The following USP35 variants were observed in gnomAD, a reference collection of about 807,000 sequenced individuals.
The protein encoded by USP35 is ubiquitin specific peptidase 35.
USP35 carries 69 observed loss-of-function variants against 83.8 expected under a neutral mutation model. The ratio of observed to expected loss-of-function variants is 0.82; its 90% CI spans 0.68 to 1.01. USP35 has a LOEUF of 1.01. Among genes scored for constraint, USP35 ranks in the 50% least tolerant of loss-of-function variants. The pLI is 0.00. For synonymous variants in USP35, 714 were observed against 589.5 expected (o/e 1.21, Z -3.06); for missense variants, 1,503 against 1,362.5 (o/e 1.10, Z -1.62).
At chr11:78,220,949 G>A in the USP35 span, among the ~76,000 whole-genome samples, 1 of 152,170 alleles carries the variant, frequency 6.6e-6, no homozygotes, top group Admixed American at 6.5e-5. Context: ...CTAGAGTGGG[G>A]TAGTCACCCC....
the USP35 span, among the ~76,000 whole-genome samples, chr11:78,233,965 A>G: frequency 6.6e-6 from 1 of 152,124 alleles, no homozygotes. Context: ...TTTGATAAAG[A>G]CTACTTCACC....
At position 78,213,987 on chromosome 11, in the gene USP35, C is replaced by T. The variant is rs1054812293; in HGVS notation, c.*174C>T. ...TCAGATATGGAAGTAAGACCTAAGT[C>T]CCTTTCATTGGGGATCAGTCCCATT... On this transcript the variant is annotated 3_prime_UTR_variant, in exon 11 of 11. Transcript: ENST00000529308. 1.5e-6 allele frequency: 1 copy of T among 676,864 alleles called. No homozygotes were observed. The highest frequency in any genetic ancestry group is 2.2e-6 in the Non-Finnish European group (1 of 452,272). 41.9% of individuals were successfully genotyped at this position (676,864 alleles called of 1,614,324 possible).
rs1328411047 is a variant in USP35 at position 78,214,600 on chromosome 11, C to A, written c.*787C>A. The A allele has an allele frequency of 2.0e-5, 3 of 152,294 alleles. No individual in the cohort carries two copies. The East Asian group carries it at 5.8e-4, about 29-fold the overall frequency. The allele number at this position is 152,294 out of a possible 1,614,324, so 9.4% of individuals were successfully genotyped here. On this transcript the variant is annotated 3_prime_UTR_variant, in exon 11 of 11. Transcript: ENST00000529308. ...GCCTTTGTAGCTGCAACAGCAGCCA[C>A]CTGCAGGTTGGGTGAAGTGCCCTGA...
intron 9 of USP35, 29 bp from the exon 10 acceptor site, chr11:78,209,419 A>G: frequency 6.4e-7 from 1 of 1,559,944 alleles, no homozygotes; most frequent in South Asian, 1.2e-5. Flanking sequence ...CCGCATGTAC[A>G]TGTAGTGACT....
rs528502764 is a variant in USP35, at chr11:78,196,901, C to G, written c.656C>G (p.Ala219Gly). ...AILPCLKELF[A>G]VISCAEEEPP... The stretch of plus-strand genomic sequence containing the variant: ...CTGCCCTGCCTCAAAGAGCTGTTCG[C>G]AGTCATCTCCTGCGCAGGTGCGTGT... The change falls in exon 2 of 11, where the codon GCA (alanine) becomes GGA (glycine). Residue 219 changes from alanine to glycine, a missense_variant. Coordinates refer to ENST00000529308, the MANE Select transcript of USP35 (RefSeq NM_020798.4). This position sits in a 1 kb window ranked among gnomAD's most constrained non-coding sequence, Gnocchi z 4.8. 8 of 1,469,044 alleles carry G rather than the reference C, an allele frequency of 5.4e-6. No individual in the cohort carries two copies. In the South Asian group the frequency reaches 1.1e-4, roughly 20 times the overall value. 91.0% of individuals were successfully genotyped at this position (1,469,044 alleles called of 1,614,324 possible).
the USP35 span, among the ~76,000 whole-genome samples, chr11:78,221,088 G>C: frequency 6.6e-6 from 1 of 152,192 alleles, no homozygotes; most frequent in Non-Finnish European, 1.5e-5. Flanking sequence ...TCGTGCTCTA[G>C]CAGAGCACCA....
intron 1 of USP35, among the ~76,000 whole-genome samples, chr11:78,193,420 G>T (rs1468327949): frequency 2.7e-5 from 4 of 150,276 alleles, no homozygotes; most frequent in Admixed American, 2.7e-4. Context: ...GCCCAGGCTG[G>T]TCTCAACCTC....
At chr11:78,203,881 A>AT (rs1863441401) in intron 6 of USP35, among the ~76,000 whole-genome samples, 1 of 98,694 alleles carries the variant, frequency 1.0e-5, no homozygotes, top group African/African-American at 4.0e-5. Flanking sequence ...CCCAGCCCAT[A>AT]TTTTTCTTTT....
In USP35 at chr11:78,210,040, C is replaced by G; in HGVS notation, c.2185C>G (p.Gln729Glu). ...GAAGGAGACAGAAAAGGAGGCTGAG[C>G]AGGAAAAGGAAGAAGACAGCCTGGG... ...VEKETEKEAE[Q>E]EKEEDSLGAG... Residue 729 changes from glutamine (Q) to glutamate (E), a missense_variant, in exon 10 of 11, where the codon CAG becomes GAG. Transcript: ENST00000529308. 1 of 1,613,778 alleles carries G rather than the reference C, an allele frequency of 6.2e-7. No individual in the cohort carries two copies. Among genetic ancestry groups the G allele is most frequent in the Non-Finnish European group, 8.5e-7 (1 of 1,179,872 alleles).
chr11:78,204,043 A>C (rs995576734), intron 6 of USP35, among the ~76,000 whole-genome samples: 1 of 150,268 alleles, frequency 6.7e-6, no homozygotes, highest in Non-Finnish European at 1.5e-5. Context: ...GGCGCCCGCC[A>C]CTACGCCCGG....
At chr11:78,223,293 T>C in the USP35 span, 2 of 768,944 alleles carry the variant, frequency 2.6e-6, no homozygotes, top group East Asian at 5.8e-5. Flanking sequence ...GAGACTCAGA[T>C]TTTACATGAT....
chr11:78,208,351 G>A (rs567737704), intron 8 of USP35, among the ~76,000 whole-genome samples: 2 of 152,332 alleles, frequency 1.3e-5, no homozygotes, highest in African/African-American at 2.4e-5. Flanking sequence ...CCTGAGAGCT[G>A]TTGAGGGTAC....
the USP35 span, among the ~76,000 whole-genome samples, chr11:78,224,183 A>C: frequency 6.6e-6 from 1 of 152,154 alleles, no homozygotes; most frequent in African/African-American, 2.4e-5. Context: ...TCCACTAATA[A>C]TTTTTGATAA....
Position 78,210,102 on chromosome 11 carries a change from G to A in USP35, c.2247G>A (p.Gly749=), listed in dbSNP as rs1487007322. ...GTHPDAAIPS[G]ERTCGSEGSR... is the part of the protein sequence containing the mutation. ...ACCCGGATGCTGCCATCCCCTCCGG[G>A]GAGCGGACATGTGGCTCTGAGGGCT... Residue 749 remains glycine (G), a synonymous_variant, in exon 10 of 11, where the codon GGG becomes GGA. Transcript: ENST00000529308. The A allele has an allele frequency of 3.1e-6, 5 of 1,613,972 alleles. No individual in the cohort carries two copies. The highest frequency in any genetic ancestry group is 2.5e-6 in the Non-Finnish European group (3 of 1,179,976).
At chr11:78,222,882 C>T in the USP35 span, among the ~76,000 whole-genome samples, 6 of 152,206 alleles carry the variant, frequency 3.9e-5, no homozygotes, top group African/African-American at 9.7e-5. Flanking sequence ...TGAGCCATGG[C>T]GCCCAGCCAA....
At chr11:78,225,146 A>G in the USP35 span, 1 of 1,613,710 alleles carries the variant, frequency 6.2e-7, no homozygotes, top group Non-Finnish European at 8.5e-7. Context: ...GATTCAGCAG[A>G]CCGGCCTGCA....
intron 6 of USP35, 111 bp downstream of exon 6, chr11:78,200,919 T>C: frequency 7.0e-7 from 1 of 1,432,126 alleles, no homozygotes; most frequent in African/African-American, 1.4e-5. Flanking sequence ...ATTTGGTGCC[T>C]GGCTGTCTCC....
At chr11:78,226,704 G>C in the USP35 span, 3 of 1,613,730 alleles carry the variant, frequency 1.9e-6, no homozygotes, top group Non-Finnish European at 2.5e-6. Flanking sequence ...GATCTGGTAG[G>C]CTGAGAGTGG....
In USP35 at chr11:78,210,604, A is replaced by G; in HGVS notation, c.2749A>G (p.Thr917Ala). The G allele has an allele frequency of 1.2e-6, 2 of 1,614,186 alleles. No individual in the cohort carries two copies. The highest frequency in any genetic ancestry group is 1.7e-6 in the Non-Finnish European group (2 of 1,180,008). ...SNVTSFFPKDTAYVLFYRQRP... is the reference protein window; with the variant it reads ...SNVTSFFPKDAAYVLFYRQRP... ...CGTCACCTCCTTCTTCCCTAAGGAC[A>G]CAGCCTATGTGCTGTTTTACCGGCA... The change falls in exon 10 of 11, where the codon ACA (threonine) becomes GCA (alanine). Residue 917 changes from threonine to alanine, a missense_variant. By Grantham distance (58) the Thr-to-Ala change is moderately conservative. Transcript: ENST00000529308.
Sources: gnomAD v4.1 joint callset for allele counts (sites outside exome capture counted in the v4.1 genomes callset) on GRCh38, gnomAD v4.1.1 for gene constraint, Gnocchi (gnomAD v3.1) non-coding constraint, MANE v1.5 for transcripts, NCBI Gene and HGNC (gene_info 2026-07-23, HGNC 2026-07-21) for gene names.